The following USP49 variants were observed in gnomAD, a reference collection of about 807,000 sequenced individuals.
The protein encoded by USP49 is ubiquitin specific peptidase 49.
Under a neutral mutation model 58.6 loss-of-function variants are expected in USP49, and 24 were observed. That is an observed-to-expected ratio of 0.41 (90% CI 0.30 to 0.58). The LOEUF (loss-of-function observed/expected upper bound fraction) is 0.58. Among genes scored for constraint, USP49 ranks in the 20% least tolerant of loss-of-function variants. The pLI is 0.30. For synonymous variants in USP49, 408 were observed against 365.1 expected (o/e 1.12, Z -1.34); for missense variants, 703 against 866.1 (o/e 0.81, Z 2.36).
chr6:41,802,448 A>ATTTTTTTTTTTTTTTTTT (rs1363216201), intron 5 of USP49, among the ~76,000 whole-genome samples: 1 of 53,336 alleles, frequency 1.9e-5, no homozygotes, highest in African/African-American at 7.4e-5. Flanking sequence ...TTATTTATTT[A>ATTTTTTTTTTTTTTTTTT]TTTATTTATT....
intron 3 of USP49, among the ~76,000 whole-genome samples, chr6:41,823,259 GA>G (rs948068694): frequency 1.3e-5 from 2 of 152,086 alleles, no homozygotes; most frequent in African/African-American, 4.8e-5. Flanking sequence ...ACCTTTTGGG[GA>G]AAAAAATCAC....
chr6:41,827,249 G>C (rs1160023800), intron 3 of USP49, among the ~76,000 whole-genome samples: 1 of 152,170 alleles, frequency 6.6e-6, no homozygotes, highest in Non-Finnish European at 1.5e-5. Context: ...ATAAGGTCTA[G>C]ACCCTAGTTA....
At chr6:41,860,883 C>A (rs1305109683) in intron 3 of USP49, among the ~76,000 whole-genome samples, 2 of 152,106 alleles carry the variant, frequency 1.3e-5, no homozygotes. Context: ...GTAATCCTAG[C>A]ACTTTGGGAG....
chr6:41,872,670 G>C (rs988860559), intron 2 of USP49, among the ~76,000 whole-genome samples: 2 of 151,646 alleles, frequency 1.3e-5, no homozygotes, highest in African/African-American at 2.4e-5. Context: ...AGGCCGAGAC[G>C]GGCGGATCAT....
At chr6:41,874,669 G>A (rs1388445468) in intron 2 of USP49, among the ~76,000 whole-genome samples, 2 of 152,118 alleles carry the variant, frequency 1.3e-5, no homozygotes, top group Non-Finnish European at 2.9e-5. Context: ...TCTGCTCTTC[G>A]GAAATATACC....
At position 41,855,781 on chromosome 6, in the gene USP49, C is replaced by T. The variant is rs544419178; in HGVS notation, c.-29+15783G>A. 2.6e-5 allele frequency among the ~76,000 whole-genome samples: 4 copies of T among 152,256 alleles called. No homozygotes were observed. In the South Asian group the frequency reaches 6.2e-4, roughly 24 times the overall value. ...TGTAATATTAGGCCAGGCACTGTGGCTTGTGCCTGTAATCCCAGCACTTTG... is the reference window on the plus strand; with the variant it reads ...TGTAATATTAGGCCAGGCACTGTGGTTTGTGCCTGTAATCCCAGCACTTTG... On this transcript the variant is annotated intron_variant, in intron 3 of 7. Coordinates refer to ENST00000682992, the MANE Select transcript of USP49 (RefSeq NM_001286554.2).
intron 3 of USP49, among the ~76,000 whole-genome samples, chr6:41,848,245 AT>A: frequency 6.6e-6 from 1 of 152,306 alleles, no homozygotes; most frequent in Non-Finnish European, 1.5e-5. Flanking sequence ...ATCAACATAC[AT>A]CGCTACAAAA....
chr6:41,813,677 A>G (rs1444246658), intron 3 of USP49, among the ~76,000 whole-genome samples: 1 of 152,186 alleles, frequency 6.6e-6, no homozygotes, highest in African/African-American at 2.4e-5. Flanking sequence ...AACCTGCCAT[A>G]TGGGCAGAGT....
intron 3 of USP49, among the ~76,000 whole-genome samples, chr6:41,845,517 T>A (rs1450844890): frequency 9.4e-5 from 14 of 149,430 alleles, no homozygotes; most frequent in Non-Finnish European, 1.9e-4. Flanking sequence ...CAAAACTCCA[T>A]CTCAAAAAAA....
chr6:41,818,352 C>T (rs992437514), intron 3 of USP49, among the ~76,000 whole-genome samples: 1 of 152,150 alleles, frequency 6.6e-6, no homozygotes, highest in Admixed American at 6.5e-5. Context: ...TACACACACA[C>T]ACACATGCGC....
rs1269527296 is a variant in USP49 at position 41,808,518 on chromosome 6, T to C, written c.-28-1507A>G. On this transcript the variant is annotated intron_variant, in intron 3 of 7. Coordinates refer to ENST00000682992, the MANE Select transcript of USP49 (RefSeq NM_001286554.2). The stretch of plus-strand genomic sequence containing the variant: ...TCCACCTCCCGGGTTCAAGCGATTC[T>C]CCTGCCTCAGCCTCCCGAGTAGCTG... 2.7e-5 allele frequency among the ~76,000 whole-genome samples: 4 copies of C among 150,740 alleles called. No individual in the cohort carries two copies. The East Asian group carries it at 7.9e-4, about 30-fold the overall frequency.
rs1159694942 is a variant in USP49, at chr6:41,869,425, T to C, written c.-29+2139A>G. On this transcript the variant is annotated intron_variant, in intron 3 of 7. Coordinates refer to ENST00000682992, the MANE Select transcript of USP49 (RefSeq NM_001286554.2). ...GTGTGCAAAAAGGAAAAAAAAATAC[T>C]TCAAGCTGGGTGCAGTGGCTCATGC... Among the ~76,000 whole-genome samples, 4 of 151,918 alleles carry C rather than the reference T, an allele frequency of 2.6e-5. No individual in the cohort carries two copies. The East Asian group carries it at 7.7e-4, about 29-fold the overall frequency.
chr6:41,889,864 G>T (rs903741216), intron 2 of USP49, among the ~76,000 whole-genome samples: 7 of 152,076 alleles, frequency 4.6e-5, no homozygotes, highest in African/African-American at 1.7e-4. Flanking sequence ...TAAAGCAAAT[G>T]GGGCAAAATG....
chr6:41,892,887 T>C (rs1180870070), intron 1 of USP49, among the ~76,000 whole-genome samples: 1 of 152,224 alleles, frequency 6.6e-6, no homozygotes, highest in Admixed American at 6.5e-5. Flanking sequence ...AAAACAAATA[T>C]TCATTCATAT....
chr6:41,810,816 C>CTTT (rs1773245069), intron 3 of USP49, among the ~76,000 whole-genome samples: 1 of 152,038 alleles, frequency 6.6e-6, no homozygotes, highest in East Asian at 1.9e-4. Context: ...GCCTCAGCCT[C>CTTT]CCAAAGTGCT....
chr6:41,866,411 T>C (rs563516999), intron 3 of USP49, among the ~76,000 whole-genome samples: 2 of 151,904 alleles, frequency 1.3e-5, no homozygotes, highest in African/African-American at 2.4e-5. Context: ...ATGGTAGAGA[T>C]TTTTTTTGTT....
At chr6:41,875,070 G>A (rs6907878) in intron 2 of USP49, among the ~76,000 whole-genome samples, 2,008 of 152,216 alleles carry the variant, frequency 0.013, 41 homozygotes, top group African/African-American at 0.046. Flanking sequence ...CCCATTCTTT[G>A]ATAGCTCCCT....
rs1056956407 is a variant in USP49, at chr6:41,792,531, C to CG, written c.*4001_*4002insC. On this transcript the variant is annotated 3_prime_UTR_variant, in exon 8 of 8. Transcript: ENST00000682992. ...TATTCATTTAAGAAGGGGTAGCCCC[C>CG]CAGCCTGATTTAAAAAGGCCCAAGT... 2.6e-5 allele frequency: 4 copies of CG among 151,848 alleles called. No homozygotes were observed. The highest frequency in any genetic ancestry group is 2.1e-4 in the South Asian group (1 of 4,806). The allele number at this position is 151,848 out of a possible 1,614,324, so 9.4% of individuals were successfully genotyped here.
chr6:41,809,774 C>T (rs1473494498), intron 3 of USP49, among the ~76,000 whole-genome samples: 1 of 151,790 alleles, frequency 6.6e-6, no homozygotes, highest in Non-Finnish European at 1.5e-5. Flanking sequence ...TTGCAGTGAG[C>T]CGAGATTGCG....
Sources: gnomAD v4.1 joint callset for allele counts (sites outside exome capture counted in the v4.1 genomes callset) on GRCh38, gnomAD v4.1.1 for gene constraint, MANE v1.5 for transcripts, NCBI Gene and HGNC (gene_info 2026-07-23, HGNC 2026-07-21) for gene names.